The following TRIM2 variants were observed in gnomAD, a reference collection of about 807,000 sequenced individuals.
TRIM2 encodes the protein tripartite motif containing 2, also known as tripartite motif-containing protein 2.
A neutral mutation model predicts 75.2 loss-of-function variants in TRIM2; 20 were observed. The ratio of observed to expected loss-of-function variants is 0.27; its 90% CI spans 0.19 to 0.39. The LOEUF (loss-of-function observed/expected upper bound fraction) is 0.39. Among genes scored for constraint, TRIM2 ranks in the 10% least tolerant of loss-of-function variants. The pLI, the probability that TRIM2 is intolerant of heterozygous loss-of-function variation, is 1.00. For missense variants in TRIM2, 660 were observed against 990.8 expected (o/e 0.67, Z 4.48); for synonymous variants, 373 against 388.3 (o/e 0.96, Z 0.46).
chr4:153,211,459 GC>G (rs1277417380), intron 1 of TRIM2, among the ~76,000 whole-genome samples: 1 of 151,284 alleles, frequency 6.6e-6, no homozygotes, highest in African/African-American at 2.4e-5. Context: ...GTTTTTGCTT[GC>G]CTGCTTGCTT....
Position 153,328,549 on chromosome 4 carries a change from A to G in TRIM2, c.2042A>G (p.Glu681Gly). The change falls in exon 11 of 12, where the codon GAA (glutamate) becomes GGA (glycine). Residue 681 changes from glutamate (E) to glycine (G), a missense_variant. This residue lies in a region of TRIM2 where 620 missense variants were observed against 891.0 expected (regional missense o/e 0.70). Transcript: ENST00000338700. ...ATACAGGTGTTTAATCAGGAAGGAG[A>G]ATTCATGTTGAAGTTTGGCTCAAAT... ...HSVKVFNQEG[E>G]FMLKFGSNGE... 1 of 1,611,938 alleles carries G rather than the reference A, an allele frequency of 6.2e-7. No homozygotes were observed. The highest frequency in any genetic ancestry group is 1.3e-5 in the African/African-American group (1 of 74,938).
At chr4:153,307,299 T>A (rs1045711793) in intron 6 of TRIM2, among the ~76,000 whole-genome samples, 1 of 152,102 alleles carries the variant, frequency 6.6e-6, no homozygotes, top group Non-Finnish European at 1.5e-5. Flanking sequence ...AGGTGAATAG[T>A]CTCAAATTAT....
At chr4:153,255,429 G>A (rs1013247746) in intron 1 of TRIM2, among the ~76,000 whole-genome samples, 1 of 152,174 alleles carries the variant, frequency 6.6e-6, no homozygotes, top group Non-Finnish European at 1.5e-5. Context: ...ATGTGCTGGG[G>A]GGCGGGGTCA....
chr4:153,209,268 G>A (rs1736289631), intron 1 of TRIM2, among the ~76,000 whole-genome samples: 1 of 152,140 alleles, frequency 6.6e-6, no homozygotes, highest in Non-Finnish European at 1.5e-5. Flanking sequence ...TCAAACAAGG[G>A]ACACTCACAC....
chr4:153,240,442 A>T (rs775405546), intron 1 of TRIM2, among the ~76,000 whole-genome samples: 2 of 152,212 alleles, frequency 1.3e-5, no homozygotes, highest in Admixed American at 6.5e-5. Context: ...TAAACAGTAA[A>T]TATTTTTCTC....
chr4:153,244,413 T>C lies in TRIM2; in HGVS notation c.31-25922T>C, dbSNP rs1211418493. Among the ~76,000 whole-genome samples, 33 of 103,182 alleles carry C rather than the reference T, an allele frequency of 3.2e-4. 7 individuals are homozygous for C. The highest frequency in any genetic ancestry group is 1.6e-3 in the African/African-American group (33 of 20,312). The allele number at this position is 103,182 out of a possible 152,430, so 67.7% of individuals were successfully genotyped here. A position where few individuals can be genotyped will look rare whatever the true frequency, so the allele number is the denominator to read the frequency against. On this transcript the variant is annotated intron_variant, in intron 1 of 11. Coordinates refer to ENST00000338700, the MANE Select transcript of TRIM2 (RefSeq NM_015271.5). ...TTCTTCTTCTTCTTCTTCTTCTTCTTCTTCTTCTTCTTCTTCTTCTTCTTT... is the reference window on the plus strand; with the variant it reads ...TTCTTCTTCTTCTTCTTCTTCTTCTCCTTCTTCTTCTTCTTCTTCTTCTTT...
chr4:153,210,116 G>A (rs1736576556), intron 1 of TRIM2, among the ~76,000 whole-genome samples: 2 of 143,350 alleles, frequency 1.4e-5, no homozygotes. Context: ...CCAGGCTGGA[G>A]AGCAGTGGCG....
intron 1 of TRIM2, among the ~76,000 whole-genome samples, chr4:153,238,755 T>C (rs576823793): frequency 2.6e-5 from 4 of 152,292 alleles, no homozygotes; most frequent in African/African-American, 9.6e-5. Context: ...TGTCCTGTGA[T>C]TGGGTCATGG....
intron 1 of TRIM2, among the ~76,000 whole-genome samples, chr4:153,218,742 A>G (rs1031540047): frequency 9.9e-5 from 15 of 152,094 alleles, no homozygotes; most frequent in African/African-American, 3.6e-4. Flanking sequence ...AGCCACTTGT[A>G]TGTATGACTT....
upstream of TRIM2, among the ~76,000 whole-genome samples, chr4:153,201,752 A>AT (rs966445152): frequency 1.7e-4 from 26 of 152,210 alleles, no homozygotes; most frequent in African/African-American, 5.5e-4. Context: ...CAATTTATCG[A>AT]TTTTTTTCTT....
Position 153,338,210 on chromosome 4 carries a change from T to C in TRIM2, c.*3244T>C, listed in dbSNP as rs753652518. The C allele has an allele frequency of 1.0e-6, 1 of 985,872 alleles. No individual in the cohort carries two copies. Among genetic ancestry groups the C allele is most frequent in the Non-Finnish European group, 1.2e-6 (1 of 829,938 alleles). The allele number at this position is 985,872 out of a possible 1,614,324, so 61.1% of individuals were successfully genotyped here. A position where few individuals can be genotyped will look rare whatever the true frequency, so the allele number is the denominator to read the frequency against. On this transcript the variant is annotated 3_prime_UTR_variant, in exon 12 of 12. Transcript: ENST00000338700. ...CAGTACACTAGCAAGTATCTGTGAATCCTTAGCACTGACGGGTTAACAGAA... is the reference window on the plus strand; with the variant it reads ...CAGTACACTAGCAAGTATCTGTGAACCCTTAGCACTGACGGGTTAACAGAA...
At chr4:153,292,887 A>G (rs1406926558) in intron 3 of TRIM2, 95 bp from the exon 4 acceptor site, 21 of 1,226,270 alleles carry the variant, frequency 1.7e-5, no homozygotes, top group Non-Finnish European at 7.5e-6. Context: ...GGTGGCTCTC[A>G]TTTAATTATG....
intron 6 of TRIM2, 117 bp downstream of exon 6, chr4:153,296,153 A>C (rs889132327): frequency 7.8e-7 from 1 of 1,288,932 alleles, no homozygotes; most frequent in African/African-American, 1.5e-5. Context: ...AGGTGTTAGG[A>C]GATGTACTGC....
intron 1 of TRIM2, among the ~76,000 whole-genome samples, chr4:153,181,070 G>T (rs1270170685): frequency 6.6e-6 from 1 of 152,174 alleles, no homozygotes; most frequent in Non-Finnish European, 1.5e-5. Context: ...GTGGGTGTTT[G>T]TAATTCCAAT....
chr4:153,336,116 T>TTATATA lies in TRIM2; in HGVS notation c.*1163_*1168dup, dbSNP rs34423384. 2,805 of 918,374 alleles carry TTATATA rather than the reference T, an allele frequency of 3.1e-3. 46 individuals are homozygous for TTATATA. In the African/African-American group the frequency reaches 0.045, roughly 15 times the overall value. 56.9% of individuals were successfully genotyped at this position (918,374 alleles called of 1,614,324 possible). On this transcript the variant is annotated 3_prime_UTR_variant, in exon 12 of 12. Transcript: ENST00000338700. ...CATGATTAGGGTAAGATAGAATGTATTATATATATATATATATACACACAC... is the reference window on the plus strand; with the variant it reads ...CATGATTAGGGTAAGATAGAATGTATTATATATATATATATATATATATACACACAC...
At chr4:153,240,867 T>C (rs1282699659) in intron 1 of TRIM2, among the ~76,000 whole-genome samples, 2 of 152,130 alleles carry the variant, frequency 1.3e-5, no homozygotes, top group Non-Finnish European at 2.9e-5. Context: ...TCACAAGGTC[T>C]GGAGTTTGAG....
At chr4:153,160,329 G>T (rs537076925) in intron 1 of TRIM2, among the ~76,000 whole-genome samples, 19 of 152,302 alleles carry the variant, frequency 1.2e-4, no homozygotes, top group Admixed American at 2.6e-4. Flanking sequence ...AAGCTTCAAG[G>T]TTCTAGAAAT....
intron 1 of TRIM2, among the ~76,000 whole-genome samples, chr4:153,210,211 C>T (rs970102020): frequency 1.3e-5 from 2 of 151,930 alleles, no homozygotes; most frequent in African/African-American, 4.8e-5. Flanking sequence ...ATTACAGACA[C>T]CTGCTACCAC....
chr4:153,244,397 T>C (rs1228127554), intron 1 of TRIM2, among the ~76,000 whole-genome samples: 4 of 77,726 alleles, frequency 5.1e-5, no homozygotes, highest in African/African-American at 1.7e-4. Flanking sequence ...CTTCTTCTTC[T>C]TCTTCTTCTT....
Sources: gnomAD v4.1 joint callset for allele counts (sites outside exome capture counted in the v4.1 genomes callset) on GRCh38, gnomAD v4.1.1 for gene constraint, gnomAD v4.1.1 regional missense constraint, MANE v1.5 for transcripts, NCBI Gene and HGNC (gene_info 2026-07-23, HGNC 2026-07-21) for gene names.